The following EGFLAM variants were observed in gnomAD, a reference collection of about 807,000 sequenced individuals.
The protein encoded by EGFLAM is pikachurin.
In EGFLAM, 79 loss-of-function variants were observed where a neutral mutation model predicts 113.1. That is an observed-to-expected ratio of 0.70 (90% CI 0.58 to 0.84). The LOEUF is 0.84. Ranked by LOEUF, EGFLAM falls within the 40% of genes least tolerant of loss-of-function variation. The pLI is 0.00. For synonymous variants in EGFLAM, 504 were observed against 487.6 expected (o/e 1.03, Z -0.44); for missense variants, 1,265 against 1,291.6 (o/e 0.98, Z 0.32).
At chr5:38,286,004 G>A (rs1274520177) in intron 1 of EGFLAM, 1 of 152,100 alleles carries the variant, frequency 6.6e-6, no homozygotes, top group Non-Finnish European at 1.5e-5. Flanking sequence ...TCCAACTGAT[G>A]AAATTCTTTC....
intron 19 of EGFLAM, among the ~76,000 whole-genome samples, chr5:38,454,192 G>A (rs943528609): frequency 8.5e-5 from 13 of 152,114 alleles, no homozygotes; most frequent in African/African-American, 2.4e-4. Flanking sequence ...GCGTACCGGC[G>A]GGCTGGGGAC....
At chr5:38,274,324 A>C (rs1757834263) in intron 1 of EGFLAM, among the ~76,000 whole-genome samples, 1 of 152,210 alleles carries the variant, frequency 6.6e-6, no homozygotes, top group Non-Finnish European at 1.5e-5. Flanking sequence ...ACCAGGAGAA[A>C]GATATAAATA....
intron 5 of EGFLAM, among the ~76,000 whole-genome samples, chr5:38,358,400 T>TC (rs1442670303): frequency 3.9e-5 from 5 of 128,484 alleles, no homozygotes; most frequent in Non-Finnish European, 6.2e-5. Flanking sequence ...TGAGCCCAGA[T>TC]CGCGCCACTG....
intron 5 of EGFLAM, among the ~76,000 whole-genome samples, chr5:38,353,369 G>T (rs1185842112): frequency 6.6e-6 from 1 of 152,214 alleles, no homozygotes; most frequent in Non-Finnish European, 1.5e-5. Flanking sequence ...GTGGAGTTGG[G>T]ATTCTCCACG....
At chr5:38,373,572 T>C (rs1002526362) in intron 6 of EGFLAM, among the ~76,000 whole-genome samples, 1 of 152,214 alleles carries the variant, frequency 6.6e-6, no homozygotes, top group Non-Finnish European at 1.5e-5. Context: ...GTTTCATTCA[T>C]GTTGCTTAAA....
rs756903786 is a variant in EGFLAM, at chr5:38,427,089, T to G, written c.1891T>G (p.Tyr631Asp). Reference protein sequence around the residue: ...ATPWPLEPQHYLSFMEFEITF... With the variant: ...ATPWPLEPQHDLSFMEFEITF... ...TCCCTGGCCACTGGAGCCCCAGCATTACCTTTCCTTCATGGAATTTGAGAT... is the reference window on the plus strand; with the variant it reads ...TCCCTGGCCACTGGAGCCCCAGCATGACCTTTCCTTCATGGAATTTGAGAT... The change falls in exon 14 of 22, where the codon TAC becomes GAC. Residue 631 changes from tyrosine (Y) to aspartate (D), a missense_variant. Coordinates refer to ENST00000322350, the MANE Select transcript of EGFLAM (RefSeq NM_152403.4). 6.2e-7 allele frequency: 1 copy of G among 1,614,084 alleles called. No individual in the cohort carries two copies. The highest frequency in any genetic ancestry group is 2.2e-5 in the East Asian group (1 of 44,874).
At chr5:38,369,133 C>T (rs1740141836) in intron 5 of EGFLAM, among the ~76,000 whole-genome samples, 2 of 152,120 alleles carry the variant, frequency 1.3e-5, no homozygotes, top group Non-Finnish European at 2.9e-5. Flanking sequence ...GCAGTGCTAT[C>T]CAGTAGAAAT....
intron 3 of EGFLAM, among the ~76,000 whole-genome samples, chr5:38,348,251 C>T (rs556796638): frequency 3.9e-5 from 6 of 152,090 alleles, no homozygotes; most frequent in South Asian, 2.1e-4. Flanking sequence ...TGCAGAGTCA[C>T]GAGGTGTCAC....
intron 1 of EGFLAM, among the ~76,000 whole-genome samples, chr5:38,297,472 A>G (rs1357006857): frequency 6.6e-6 from 1 of 152,222 alleles, no homozygotes; most frequent in Non-Finnish European, 1.5e-5. Context: ...TCTCTTGGCA[A>G]TGAATTTCAA....
chr5:38,331,646 A>G (rs1049868244), intron 1 of EGFLAM, among the ~76,000 whole-genome samples: 3 of 152,090 alleles, frequency 2.0e-5, no homozygotes, highest in South Asian at 2.1e-4. Context: ...CATTATCTCT[A>G]TTTCCACTTT....
chr5:38,442,296 ATT>A (rs1742569459), intron 17 of EGFLAM, among the ~76,000 whole-genome samples: 1 of 148,446 alleles, frequency 6.7e-6, no homozygotes, highest in Admixed American at 6.7e-5. Context: ...TATATTAAAA[ATT>A]AATATACTAA....
At chr5:38,360,836 T>C (rs1273303359) in intron 5 of EGFLAM, among the ~76,000 whole-genome samples, 1 of 150,210 alleles carries the variant, frequency 6.7e-6, no homozygotes, top group African/African-American at 2.4e-5. Context: ...ATTTATTTAT[T>C]TATTTATTTA....
intron 19 of EGFLAM, among the ~76,000 whole-genome samples, chr5:38,452,733 T>C (rs1742962551): frequency 6.6e-6 from 1 of 152,214 alleles, no homozygotes; most frequent in African/African-American, 2.4e-5. Context: ...CAGATTCATG[T>C]CTCAATAGAT....
At chr5:38,305,012 A>G (rs1271510978) in intron 1 of EGFLAM, among the ~76,000 whole-genome samples, 2 of 152,170 alleles carry the variant, frequency 1.3e-5, no homozygotes, top group African/African-American at 4.8e-5. Context: ...AATCTTTTGG[A>G]AAGTAGAACA....
intron 6 of EGFLAM, among the ~76,000 whole-genome samples, chr5:38,401,456 C>T (rs150079562): frequency 6.6e-6 from 1 of 152,254 alleles, no homozygotes; most frequent in East Asian, 1.9e-4. Flanking sequence ...TCTGTGGCCT[C>T]GGTTTCCATG....
intron 3 of EGFLAM, among the ~76,000 whole-genome samples, chr5:38,346,828 C>G (rs1240719005): frequency 2.6e-5 from 4 of 152,198 alleles, no homozygotes; most frequent in African/African-American, 7.2e-5. Flanking sequence ...AACCACCAAA[C>G]TTGACGTGAA....
chr5:38,260,830 A>C (rs1450015282), intron 1 of EGFLAM, among the ~76,000 whole-genome samples: 2 of 152,180 alleles, frequency 1.3e-5, no homozygotes, highest in African/African-American at 2.4e-5. Context: ...TTGATCCGGA[A>C]AATTGGTCCA....
intron 5 of EGFLAM, among the ~76,000 whole-genome samples, chr5:38,369,401 G>GGTAGT (rs752801501): frequency 1.3e-5 from 2 of 152,084 alleles, no homozygotes; most frequent in Non-Finnish European, 2.9e-5. Context: ...TACCACATAG[G>GGTAGT]GTAGTGGTAC....
intron 20 of EGFLAM, among the ~76,000 whole-genome samples, chr5:38,460,354 T>C (rs1165851380): frequency 6.6e-6 from 1 of 152,218 alleles, no homozygotes; most frequent in Non-Finnish European, 1.5e-5. Context: ...CTAAGGAAAC[T>C]GATGTTAAAT....
Sources: allele counts gnomAD v4.1 joint callset (sites outside exome capture counted in the v4.1 genomes callset), GRCh38; gene constraint gnomAD v4.1.1; transcripts MANE v1.5; gene names NCBI Gene and HGNC (gene_info 2026-07-23, HGNC 2026-07-21).